The following HSPG2 variants were observed in gnomAD, a reference collection of about 807,000 sequenced individuals.
HSPG2 encodes heparan sulfate proteoglycan 2, also known as basement membrane-specific heparan sulfate proteoglycan core protein.
In HSPG2, 278 loss-of-function variants were observed where a neutral mutation model predicts 526.6. That is an observed-to-expected ratio of 0.53 (90% CI 0.48 to 0.58). HSPG2 has a LOEUF of 0.58. Ranked by LOEUF, HSPG2 falls within the 20% of genes least tolerant of loss-of-function variation. The pLI, the probability that HSPG2 is intolerant of heterozygous loss-of-function variation, is 0.00. For synonymous variants in HSPG2, 2,465 were observed against 2,555.4 expected, an observed-to-expected ratio of 0.96 and a Z score of 1.07; for missense variants, 5,354 against 6,099.5, an observed-to-expected ratio of 0.88 and a Z score of 4.07.
chr1:21,911,924 T>C (rs1005701881), intron 1 of HSPG2, among the ~76,000 whole-genome samples: 4 of 152,138 alleles, frequency 2.6e-5, no homozygotes, highest in African/African-American at 9.7e-5. Flanking sequence ...CAACTGACCA[T>C]ATTTTCCAAA....
rs1265825258 is a variant in HSPG2, at chr1:21,893,885, A to G, written c.244+2037T>C. On this transcript the variant is annotated intron_variant, in intron 3 of 96. Coordinates refer to ENST00000374695, the MANE Select transcript of HSPG2 (RefSeq NM_005529.7). This position sits in a 1 kb window ranked among gnomAD's most constrained non-coding sequence, Gnocchi z 4.3. ...GGCAGAGGGAAAAAGAAAAAAAAAAAAGAACAGGCAGAGGGGAGAGAGGGA... is the reference window on the plus strand; with the variant it reads ...GGCAGAGGGAAAAAGAAAAAAAAAAGAGAACAGGCAGAGGGGAGAGAGGGA... Among the ~76,000 whole-genome samples, 1 of 151,542 alleles carries G rather than the reference A, an allele frequency of 6.6e-6. No homozygotes were observed. Among genetic ancestry groups the G allele is most frequent in the Non-Finnish European group, 1.5e-5 (1 of 67,826 alleles).
At chr1:21,861,177 T>C (rs1357683223) in intron 39 of HSPG2, among the ~76,000 whole-genome samples, 1 of 152,208 alleles carries the variant, frequency 6.6e-6, no homozygotes, top group Non-Finnish European at 1.5e-5. Context: ...ATCTGTTCTG[T>C]TCACTCCATT....
Position 21,915,240 on chromosome 1 carries a change from G to T in HSPG2, c.64-18930C>A, listed in dbSNP as rs1643864165. ...AACCATCATCTCTACACCGCTAAGG[G>T]GCCCAGGCAGCCGGCACCTCTGCTG... On this transcript the variant is annotated intron_variant, in intron 1 of 96. Coordinates refer to ENST00000374695, the MANE Select transcript of HSPG2 (RefSeq NM_005529.7). 2.0e-5 allele frequency among the ~76,000 whole-genome samples: 3 copies of T among 152,246 alleles called. No individual in the cohort carries two copies. The South Asian group carries it at 6.2e-4, about 32-fold the overall frequency.
Position 21,829,331 on chromosome 1 carries a change from G to A in HSPG2, c.11992+52C>T, listed in dbSNP as rs534847706. ...CCTCCCTGGGGCTTGAAGAGCCGAG[G>A]GGGGCACAAGGCTTGGTGTGCAGAG... is the stretch of plus-strand genomic sequence containing the variant. On this transcript the variant is annotated intron_variant, in intron 87 of 96. Transcript: ENST00000374695. 6 of 1,569,822 alleles carry A rather than the reference G, an allele frequency of 3.8e-6. No homozygotes were observed. The Admixed American group carries it at 8.3e-5, about 22-fold the overall frequency.
chr1:21,886,334 C>T (rs527371148), intron 9 of HSPG2, among the ~76,000 whole-genome samples: 36 of 151,862 alleles, frequency 2.4e-4, no homozygotes, highest in African/African-American at 8.5e-4. Context: ...CACAGAAAGG[C>T]GTTCGCAAAC....
chr1:21,857,761 C>T (rs1639456378), intron 42 of HSPG2, among the ~76,000 whole-genome samples: 1 of 152,190 alleles, frequency 6.6e-6, no homozygotes, highest in Admixed American at 6.5e-5. Flanking sequence ...TCCAGCCTCT[C>T]CAACCACCCT....
At position 21,847,996 on chromosome 1, in the gene HSPG2, G is replaced by A. The variant is rs777092055; in HGVS notation, c.7835C>T (p.Ser2612Leu). 6.2e-6 allele frequency: 10 copies of A among 1,613,554 alleles called. No homozygotes were observed. The highest frequency in any genetic ancestry group is 5.3e-5 in the African/African-American group (4 of 74,886). ...VSNGAGSRET[S>L]LIVTIQGSGS... is the part of the protein sequence containing the mutation. ...GCTGCCCTGGATGGTGACGATGAGC[G>A]AGGTCTCCCGGGAGCCTGCACCGTT... Residue 2612 changes from serine to leucine, a missense_variant, in exon 60 of 97, where the codon TCG (serine) becomes TTG (leucine). Transcript: ENST00000374695. The surrounding 1 kb of genome is among the most constrained non-coding windows in gnomAD (Gnocchi z 4.1).
chr1:21,882,158 C>T (rs778893883), intron 13 of HSPG2, among the ~76,000 whole-genome samples: 5 of 151,910 alleles, frequency 3.3e-5, no homozygotes, highest in Admixed American at 6.6e-5. Context: ...AAGAGACCCA[C>T]AGACTTTCAG....
chr1:21,830,952 G>T, intron 85 of HSPG2, 30 bp downstream of exon 85: 1 of 1,474,130 alleles, frequency 6.8e-7, no homozygotes, highest in Admixed American at 1.9e-5. Context: ...AGGCCCTGGG[G>T]CGACAGCGAC....
At chr1:21,868,780 G>A (rs1378370993) in intron 33 of HSPG2, 1 of 202,974 alleles carries the variant, frequency 4.9e-6, no homozygotes, top group Non-Finnish European at 8.8e-6. Flanking sequence ...TCTACCCACC[G>A]TGAGCCTCGG....
Position 21,880,604 on chromosome 1 carries a change from C to T in HSPG2, c.1999-45G>A, listed in dbSNP as rs771591646. The T allele has an allele frequency of 5.0e-6, 8 of 1,604,656 alleles. No homozygotes were observed. In the East Asian group the frequency reaches 1.6e-4, roughly 32 times the overall value. ...GCAGGGGTCACACATCAGTGCCTACCCAGCCTAAATCCCCCTTTGCTCCCA... is the reference window on the plus strand; with the variant it reads ...GCAGGGGTCACACATCAGTGCCTACTCAGCCTAAATCCCCCTTTGCTCCCA... On this transcript the variant is annotated intron_variant, in intron 15 of 96. Coordinates refer to ENST00000374695, the MANE Select transcript of HSPG2 (RefSeq NM_005529.7).
rs1447198833 is a variant in HSPG2, at chr1:21,856,762, CTCA to C, written c.5575+250_5575+252del. Among the ~76,000 whole-genome samples the C allele has an allele frequency of 4.6e-5, 7 of 152,312 alleles. No individual in the cohort carries two copies. The East Asian group carries it at 1.3e-3, about 29-fold the overall frequency. On this transcript the variant is annotated intron_variant, in intron 44 of 96. Transcript: ENST00000374695. ...CTTTCTCATCATTCCTAGCCTGGCACTCATCGCCATGTGTAGTTATCTTGCTTG... is the reference window on the plus strand; with the variant it reads ...CTTTCTCATCATTCCTAGCCTGGCACTCGCCATGTGTAGTTATCTTGCTTG...
intron 1 of HSPG2, among the ~76,000 whole-genome samples, chr1:21,926,654 GGAGGCT>G (rs1644199454): frequency 6.6e-6 from 1 of 151,488 alleles, no homozygotes; most frequent in Admixed American, 6.6e-5. Flanking sequence ...CTGCTACCAG[GGAGGCT>G]GAGGCAAAAG....
In HSPG2 at chr1:21,838,972, C is replaced by A; in HGVS notation, c.10003G>T (p.Val3335Leu). The change falls in exon 74 of 97, where the codon GTG (valine) becomes TTG (leucine). Residue 3335 changes from valine (V) to leucine (L), a missense_variant. Transcript: ENST00000374695. The stretch of plus-strand genomic sequence containing the variant: ...GCCCTCCCAGGAAGGCTGCTGCCCA[C>A]GCGGCTCCACTGGAAGGTGAGTGGG... ...TPPLTFQWSR[V>L]GSSLPGRATA... is the part of the protein sequence containing the mutation. 1 of 1,612,636 alleles carries A rather than the reference C, an allele frequency of 6.2e-7. No individual in the cohort carries two copies. The highest frequency in any genetic ancestry group is 2.2e-5 in the East Asian group (1 of 44,822).
intron 1 of HSPG2, among the ~76,000 whole-genome samples, chr1:21,924,532 C>T (rs187840921): frequency 6.6e-6 from 1 of 152,084 alleles, no homozygotes; most frequent in Admixed American, 6.5e-5. Context: ...CTCAGGGTCC[C>T]TTTCTTCTGC....
chr1:21,841,220 G>A lies in HSPG2; in HGVS notation c.9394C>T (p.Leu3132=). ...GGCTCCCCGGCACTGACACACTCCA[G>A]GGTGACAGCCTTTCCCACTTTCACC... ...VWVKVGKAVT[L]ECVSAGEPRS... Residue 3132 remains leucine, a synonymous_variant, in exon 71 of 97, where the codon CTG becomes TTG. Coordinates refer to ENST00000374695, the MANE Select transcript of HSPG2 (RefSeq NM_005529.7). 2 of 1,613,936 alleles carry A rather than the reference G, an allele frequency of 1.2e-6. No homozygotes were observed. The highest frequency in any genetic ancestry group is 1.7e-6 in the Non-Finnish European group (2 of 1,180,056).
At position 21,847,013 on chromosome 1, in the gene HSPG2, T is replaced by A. The variant is rs1572208346; in HGVS notation, c.8164+341A>T. On this transcript the variant is annotated intron_variant, in intron 62 of 96. Transcript: ENST00000374695. The surrounding 1 kb of genome is among the most constrained non-coding windows in gnomAD (Gnocchi z 4.1). ...AGACTCCCTCTCAAAAAAAAAAAAATGATAATAATAGTTAACACTTATAAA... is the reference window on the plus strand; with the variant it reads ...AGACTCCCTCTCAAAAAAAAAAAAAAGATAATAATAGTTAACACTTATAAA... Among the ~76,000 whole-genome samples the A allele has an allele frequency of 6.7e-6, 1 of 150,184 alleles. No individual in the cohort carries two copies. The highest frequency in any genetic ancestry group is 1.5e-5 in the Non-Finnish European group (1 of 67,598).
intron 62 of HSPG2, 87 bp from the exon 63 acceptor site, chr1:21,846,686 A>C: frequency 1.1e-4 from 160 of 1,461,658 alleles, no homozygotes; most frequent in Non-Finnish European, 1.4e-4. Flanking sequence ...AGAAAATCTC[A>C]CCCCCCAGAG....
intron 65 of HSPG2, 107 bp from the exon 66 acceptor site, chr1:21,843,545 T>C (rs1391148721): frequency 8.0e-7 from 1 of 1,256,434 alleles, no homozygotes; most frequent in Non-Finnish European, 1.1e-6. Context: ...TGTAGGCGCA[T>C]CCTGTTGGAG....
Sources: allele counts gnomAD v4.1 joint callset (sites outside exome capture counted in the v4.1 genomes callset), GRCh38; gene constraint gnomAD v4.1.1; non-coding constraint Gnocchi (gnomAD v3.1); transcripts MANE v1.5; gene names NCBI Gene and HGNC (gene_info 2026-07-23, HGNC 2026-07-21).